Variants in IL19 observed in about 807,000 individuals in gnomAD.
The protein encoded by IL19 is interleukin-19.
A neutral mutation model predicts 19.5 loss-of-function variants in IL19; 15 were observed. That is an observed-to-expected ratio of 0.77 (90% CI 0.52 to 1.19). The LOEUF (loss-of-function observed/expected upper bound fraction) is 1.19. IL19 is among the 50% of genes most tolerant of loss of function. IL19 has a pLI of 0.00. For missense variants in IL19, 199 were observed against 213.1 expected, an observed-to-expected ratio of 0.93 and a Z score of 0.41; for synonymous variants, 78 against 78.3, an observed-to-expected ratio of 1.00 and a Z score of 0.02.
chr1:206,806,336 C>T (rs1204757694), intron 2 of IL19, among the ~76,000 whole-genome samples: 1 of 100,234 alleles, frequency 1.0e-5, no homozygotes, highest in East Asian at 1.1e-3. Context: ...GGCTAAATAA[C>T]ATCACATTGG....
chr1:206,842,219 C>A (rs1293387647), intron 6 of IL19, among the ~76,000 whole-genome samples: 2 of 151,874 alleles, frequency 1.3e-5, no homozygotes, highest in African/African-American at 4.8e-5. Flanking sequence ...ATCAGCGGAA[C>A]TGGCCAGTAA....
chr1:206,784,355 G>A (rs1675215379), intron 1 of IL19, among the ~76,000 whole-genome samples: 2 of 152,142 alleles, frequency 1.3e-5, no homozygotes, highest in African/African-American at 2.4e-5. Flanking sequence ...GAACATGAGT[G>A]GTTCTGATAC....
intron 2 of IL19, among the ~76,000 whole-genome samples, chr1:206,835,646 A>C (rs571453709): frequency 1.8e-4 from 27 of 152,112 alleles, no homozygotes; most frequent in African/African-American, 6.3e-4. Flanking sequence ...CGATACACTT[A>C]CCTTGGCACA....
At chr1:206,772,643 A>T in intron 1 of IL19, 1 of 591,656 alleles carries the variant, frequency 1.7e-6, no homozygotes. Flanking sequence ...CTTAGTTTTC[A>T]ATTTTTGCAT....
At chr1:206,803,715 G>A (rs929840102) in intron 2 of IL19, among the ~76,000 whole-genome samples, 1 of 152,174 alleles carries the variant, frequency 6.6e-6, no homozygotes, top group Non-Finnish European at 1.5e-5. Context: ...TGCTTGCAAT[G>A]AGGTTTTTCA....
At chr1:206,833,230 G>T (rs1003508440) in intron 2 of IL19, among the ~76,000 whole-genome samples, 5 of 152,236 alleles carry the variant, frequency 3.3e-5, no homozygotes, top group Non-Finnish European at 7.3e-5. Flanking sequence ...GAGTGGTTTT[G>T]TGGGCAGACA....
chr1:206,828,681 A>G (rs1256708713), intron 2 of IL19, among the ~76,000 whole-genome samples: 1 of 152,204 alleles, frequency 6.6e-6, no homozygotes, highest in Admixed American at 6.5e-5. Flanking sequence ...AGGAAACAAA[A>G]AGTTGTCAGG....
At chr1:206,788,757 CAT>C (rs2102452965) in intron 1 of IL19, among the ~76,000 whole-genome samples, 1 of 152,330 alleles carries the variant, frequency 6.6e-6, no homozygotes, top group East Asian at 1.9e-4. Flanking sequence ...CTGCTTAGCA[CAT>C]GTCTCAACCT....
intron 2 of IL19, among the ~76,000 whole-genome samples, chr1:206,814,406 T>C (rs186583569): frequency 6.7e-6 from 1 of 150,200 alleles, no homozygotes. Context: ...TCAGAATGCT[T>C]TGGGCCTGGC....
At chr1:206,779,072 G>C (rs1381054184) in intron 1 of IL19, among the ~76,000 whole-genome samples, 1 of 152,184 alleles carries the variant, frequency 6.6e-6, no homozygotes, top group African/African-American at 2.4e-5. Flanking sequence ...CTGTGCCAAA[G>C]GGTAGAAGGC....
chr1:206,819,107 A>C (rs1242895628), intron 2 of IL19, among the ~76,000 whole-genome samples: 1 of 151,488 alleles, frequency 6.6e-6, no homozygotes, highest in East Asian at 1.9e-4. Flanking sequence ...CACCACACCC[A>C]GCTTATTTTT....
At chr1:206,815,970 C>G (rs1017613073) in intron 2 of IL19, among the ~76,000 whole-genome samples, 2 of 152,024 alleles carry the variant, frequency 1.3e-5, no homozygotes, top group African/African-American at 4.8e-5. Flanking sequence ...TTTTATTATA[C>G]GTTGTTTTGT....
intron 6 of IL19, 142 bp downstream of exon 6, chr1:206,841,220 T>C: frequency 1.5e-6 from 1 of 670,458 alleles, no homozygotes. Flanking sequence ...TCTCTGTGTC[T>C]GTAAAGAGAG....
intron 1 of IL19, among the ~76,000 whole-genome samples, chr1:206,776,846 C>T (rs1052000633): frequency 1.3e-5 from 2 of 149,226 alleles, no homozygotes; most frequent in African/African-American, 2.5e-5. Context: ...CAATGGCTAC[C>T]CTCTTTGGGT....
chr1:206,809,326 C>A (rs1338457890), intron 2 of IL19, among the ~76,000 whole-genome samples: 2 of 152,164 alleles, frequency 1.3e-5, no homozygotes, highest in Non-Finnish European at 2.9e-5. Context: ...ATGTGATAGG[C>A]TTTTTAGTCT....
chr1:206,842,755 G>A lies in IL19; in HGVS notation c.*133G>A. Reference sequence around the variant, plus strand: ...TGAAAGTCCCACTGGCTGGCCTCAGGCTGTCTTATTCCGCTTGAAAATAGC... The same window carrying A: ...TGAAAGTCCCACTGGCTGGCCTCAGACTGTCTTATTCCGCTTGAAAATAGC... On this transcript the variant is annotated 3_prime_UTR_variant, in exon 7 of 7. Transcript: ENST00000659997. The A allele has an allele frequency of 3.3e-6, 2 of 605,298 alleles. No homozygotes were observed. The highest frequency in any genetic ancestry group is 5.8e-6 in the Non-Finnish European group (2 of 341,924). 37.5% of individuals were successfully genotyped at this position (605,298 alleles called of 1,614,324 possible).
At chr1:206,775,042 ACTT>A (rs1238658245) in intron 1 of IL19, among the ~76,000 whole-genome samples, 4 of 149,158 alleles carry the variant, frequency 2.7e-5, no homozygotes, top group Admixed American at 6.7e-5. Flanking sequence ...TTAGGATCTG[ACTT>A]CTTTTTTTTT....
chr1:206,787,229 G>C (rs575243905), intron 1 of IL19, among the ~76,000 whole-genome samples: 8 of 152,254 alleles, frequency 5.3e-5, no homozygotes, highest in Admixed American at 5.2e-4. Flanking sequence ...ATTCAGCACT[G>C]CCTCTTCCAT....
At chr1:206,834,697 T>C (rs1676725059) in intron 2 of IL19, among the ~76,000 whole-genome samples, 1 of 152,244 alleles carries the variant, frequency 6.6e-6, no homozygotes, top group African/African-American at 2.4e-5. Flanking sequence ...CACTTTATAA[T>C]GTGTTATCAT....
Sources: gnomAD v4.1 joint callset for allele counts (sites outside exome capture counted in the v4.1 genomes callset) on GRCh38, gnomAD v4.1.1 for gene constraint, MANE v1.5 for transcripts, NCBI Gene and HGNC (gene_info 2026-07-23, HGNC 2026-07-21) for gene names.